NCOR2: variants seen among roughly 807,000 people sequenced by gnomAD.
The protein encoded by NCOR2 is nuclear receptor corepressor 2, also known as CTG repeat protein 26.
A neutral mutation model predicts 262.9 loss-of-function variants in NCOR2; 81 were observed. That is an observed-to-expected ratio of 0.31 (90% confidence interval 0.26 to 0.37). The LOEUF (loss-of-function observed/expected upper bound fraction) is 0.37. NCOR2 is among the 10% of genes least tolerant of loss of function. The pLI is 1.00. For synonymous variants in NCOR2, 1,659 were observed against 1,559.3 expected (o/e 1.06, Z -1.51); for missense variants, 3,385 against 3,621.4 (o/e 0.93, Z 1.68).
chr12:124,477,706 G>A (rs1349670933), intron 3 of NCOR2, among the ~76,000 whole-genome samples: 1 of 152,214 alleles, frequency 6.6e-6, no homozygotes, highest in Non-Finnish European at 1.5e-5. Context: ...CAGGACGGGG[G>A]CTGAGGGAGC....
intron 17 of NCOR2, among the ~76,000 whole-genome samples, chr12:124,379,242 A>G (rs991844363): frequency 3.3e-5 from 5 of 151,948 alleles, no homozygotes; most frequent in African/African-American, 4.8e-5. Flanking sequence ...TCGGGCCTCC[A>G]CTTTCCCCGC....
intron 25 of NCOR2, 90 bp downstream of exon 27, chr12:124,354,747 G>T: frequency 7.3e-7 from 1 of 1,373,420 alleles, no homozygotes; most frequent in Non-Finnish European, 1.0e-6. Context: ...GGAGTACCGT[G>T]GGCCAAGATA....
At chr12:124,495,529 G>A (rs771519381), upstream of NCOR2, among the ~76,000 whole-genome samples, 8 of 152,084 alleles carry the variant, frequency 5.3e-5, no homozygotes, top group South Asian at 6.2e-4. The surrounding 1 kb of genome is among the most constrained non-coding windows in gnomAD (Gnocchi z 4.4). Context: ...CCTGTTCTCC[G>A]GGAGCACAAG....
At chr12:124,358,085 ATG>A (rs56331447) in intron 22 of NCOR2, among the ~76,000 whole-genome samples, 16 of 129,470 alleles carry the variant, frequency 1.2e-4, no homozygotes, top group East Asian at 2.5e-4. Context: ...GTAACCTGTG[ATG>A]TGTGTGTGCG....
chr12:124,500,119 C>A (rs914695542), upstream of NCOR2, among the ~76,000 whole-genome samples: 1 of 152,092 alleles, frequency 6.6e-6, no homozygotes, highest in African/African-American at 2.4e-5. Flanking sequence ...GAGAACAAGA[C>A]GGTGCCTGGG....
At chr12:124,418,407 G>A (rs146801141) in intron 13 of NCOR2, among the ~76,000 whole-genome samples, 72 of 152,272 alleles carry the variant, frequency 4.7e-4, no homozygotes, top group Middle Eastern at 3.4e-3. Flanking sequence ...CTGGGACCCC[G>A]CCCCCAACCC....
upstream of NCOR2, among the ~76,000 whole-genome samples, chr12:124,499,286 C>T (rs544655705): frequency 8.6e-4 from 131 of 152,206 alleles, 1 homozygote; most frequent in Non-Finnish European, 1.6e-3. Flanking sequence ...CGCCCCATGT[C>T]GCCGCTGCGT....
chr12:124,429,377 C>T, intron 10 of NCOR2: 1 of 550,734 alleles, frequency 1.8e-6, no homozygotes, highest in Non-Finnish European at 3.3e-6. Context: ...CGCCAGGGCC[C>T]TCCCTGCAGG....
chr12:124,540,184 G>A (rs141274883), upstream of NCOR2, among the ~76,000 whole-genome samples: 3 of 147,024 alleles, frequency 2.0e-5, no homozygotes, highest in African/African-American at 7.4e-5. Flanking sequence ...CCCCTGGAGT[G>A]ACGGACATAA....
chr12:124,507,944 A>G (rs867222294), intron 1 of NCOR2, among the ~76,000 whole-genome samples: 8 of 152,372 alleles, frequency 5.3e-5, no homozygotes, highest in South Asian at 2.1e-4. Flanking sequence ...CAGGCCCTCA[A>G]GGATGGCTTT....
chr12:124,354,419 C>A (rs2037778618), intron 26 of NCOR2, 59 bp downstream of exon 28: 1 of 1,412,386 alleles, frequency 7.1e-7, no homozygotes, highest in South Asian at 1.4e-5. Context: ...ATAAAGGGCC[C>A]TTTGGGCACC....
chr12:124,566,976 C>A lies in NCOR2; in HGVS notation c.-165+332G>T, dbSNP rs2052263324. Among the ~76,000 whole-genome samples the A allele has an allele frequency of 6.6e-6, 1 of 152,198 alleles. No homozygotes were observed. Among genetic ancestry groups the A allele is most frequent in the Admixed American group, 6.5e-5 (1 of 15,290 alleles). On this transcript the variant is annotated intron_variant, in intron 1 of 32. Coordinates refer to the NCOR2 transcript ENST00000458234. This position sits in a 1 kb window ranked among gnomAD's most constrained non-coding sequence, Gnocchi z 4.3. ...TACACCGGGTACAAGGGACGCCTGG[C>A]GGCCAAGTCCCCAGAGCCGGCGCAC...
chr12:124,438,676 GAGAGAGGGAGACAGAGACCCAGAA>G (rs1226384265), intron 7 of NCOR2, among the ~76,000 whole-genome samples: 4 of 151,366 alleles, frequency 2.6e-5, no homozygotes, highest in Non-Finnish European at 3.0e-5. Context: ...GTTTCAGAGA[GAGAGAGGGAGACAGAGACCCAGAA>G]AGAGAGGGAG....
At chr12:124,520,621 G>C (rs11057652) in intron 1 of NCOR2, among the ~76,000 whole-genome samples, 18,881 of 152,246 alleles carry the variant, frequency 0.12, 1,593 homozygotes, top group Non-Finnish European at 0.19. Context: ...TGTTTGTTGA[G>C]TGACTTAATG....
chr12:124,332,283 GC>G (rs1310183794), intron 43 of NCOR2, 35 bp downstream of exon 45: 2 of 1,611,760 alleles, frequency 1.2e-6, no homozygotes, highest in Non-Finnish European at 1.7e-6. Flanking sequence ...CCCACCTGTG[GC>G]CCCATGCTTC....
chr12:124,345,830 G>A (rs1390426391), intron 31 of NCOR2, among the ~76,000 whole-genome samples: 1 of 152,118 alleles, frequency 6.6e-6, no homozygotes, highest in Non-Finnish European at 1.5e-5. Context: ...CAGTCCTTCC[G>A]CCTCACAGCC....
chr12:124,332,347 G>A (rs760067628), exon 43 of NCOR2: 2 of 1,614,086 alleles, frequency 1.2e-6, no homozygotes, highest in African/African-American at 1.3e-5. Flanking sequence ...GGTTGTGGGT[G>A]TTCAGCTTCT....
intron 1 of NCOR2, among the ~76,000 whole-genome samples, chr12:124,501,056 A>ACGCGCGCACG (rs1566001853): frequency 8.1e-5 from 4 of 49,338 alleles, no homozygotes; most frequent in African/African-American, 2.8e-4. Context: ...GCGCGCGCGC[A>ACGCGCGCACG]CGCGCGCACA....
chr12:124,422,593 G>C, intron 11 of NCOR2, 38 bp from the exon 14 acceptor site: 2 of 1,612,054 alleles, frequency 1.2e-6, no homozygotes, highest in Non-Finnish European at 1.7e-6. Flanking sequence ...ACCTGGCCGA[G>C]GGGGGCTTTC....
Sources: allele counts gnomAD v4.1 joint callset (sites outside exome capture counted in the v4.1 genomes callset), GRCh38; gene constraint gnomAD v4.1.1; non-coding constraint Gnocchi (gnomAD v3.1); transcripts MANE v1.5; gene names NCBI Gene and HGNC (gene_info 2026-07-23, HGNC 2026-07-21).